The following FBN3 variants were observed in gnomAD, a reference collection of about 807,000 sequenced individuals.
The protein encoded by FBN3 is fibrillin 3.
A neutral mutation model predicts 330.1 loss-of-function variants in FBN3; 234 were observed. The observed-to-expected ratio is 0.71, with a 90% confidence interval of 0.64 to 0.79. The LOEUF (loss-of-function observed/expected upper bound fraction) is 0.79, where lower values mean the gene tolerates loss of function less well. Ranked by LOEUF, FBN3 falls within the 30% of genes least tolerant of loss-of-function variation. The pLI is 0.00. For missense variants in FBN3, 3,606 were observed against 3,886.9 expected, an observed-to-expected ratio of 0.93 and a Z score of 1.92; for synonymous variants, 1,458 against 1,517.3, an observed-to-expected ratio of 0.96 and a Z score of 0.91.
intron 32 of FBN3, among the ~76,000 whole-genome samples, chr19:8,111,389 T>G (rs78219220): frequency 0.019 from 2,934 of 152,004 alleles, 103 homozygotes; most frequent in African/African-American, 0.066. Flanking sequence ...ACTCTTGGAC[T>G]CCAGAGAGGG....
At position 8,117,713 on chromosome 19, in the gene FBN3, C is replaced by T. The variant is rs925882202; in HGVS notation, c.3338-124G>A. ...CACTGCCAGCATTGGCACAGCCCCG[C>T]ATGTGCCTATCCGTACACTTGCATT... On this transcript the variant is annotated intron_variant, in intron 26 of 63. Coordinates refer to ENST00000600128, the MANE Select transcript of FBN3 (RefSeq NM_032447.5). The T allele has an allele frequency of 2.7e-6, 3 of 1,114,710 alleles. No homozygotes were observed. In the South Asian group the frequency reaches 4.9e-5, roughly 18 times the overall value. The allele number at this position is 1,114,710 out of a possible 1,614,324, so 69.1% of individuals were successfully genotyped here. A position where few individuals can be genotyped will look rare whatever the true frequency, so the allele number is the denominator to read the frequency against.
Position 8,075,338 on chromosome 19 carries a change from G to A in FBN3, c.7527C>T (p.Phe2509=), listed in dbSNP as rs757122800. ...HGHCHNTPGS[F]RCECHQGFTL... ...TGAAGCCTTGGTGGCATTCACAGCG[G>A]AAGCTGCCCGGGGTGTTGTGGCAGT... The change falls in exon 60 of 64, where the codon TTC becomes TTT. Residue 2509 remains phenylalanine (F), a synonymous_variant. Coordinates refer to ENST00000600128, the MANE Select transcript of FBN3 (RefSeq NM_032447.5). 2 of 1,614,234 alleles carry A rather than the reference G, an allele frequency of 1.2e-6. No individual in the cohort carries two copies. Among genetic ancestry groups the A allele is most frequent in the Non-Finnish European group, 1.7e-6 (2 of 1,180,042 alleles).
At chr19:8,093,788 AAACAAAAC>A (rs1197958472) in intron 47 of FBN3, among the ~76,000 whole-genome samples, 4 of 125,866 alleles carry the variant, frequency 3.2e-5, no homozygotes, top group Admixed American at 2.7e-4. Context: ...CAAACAAACA[AAACAAAAC>A]AACAACAAAA....
Position 8,071,961 on chromosome 19 carries a change from G to A in FBN3, c.8088+87C>T, listed in dbSNP as rs986596102. The A allele has an allele frequency of 9.6e-6, 13 of 1,350,948 alleles. No homozygotes were observed. The African/African-American group carries it at 1.6e-4, about 17-fold the overall frequency. The allele number at this position is 1,350,948 out of a possible 1,614,324, so 83.7% of individuals were successfully genotyped here. ...GAGCCTGGTGCTCCTTCTTGGGGGG[G>A]CTGACATGACTAAGTCGGGTCCACA... On this transcript the variant is annotated intron_variant, in intron 63 of 63. Coordinates refer to ENST00000600128, the MANE Select transcript of FBN3 (RefSeq NM_032447.5).
chr19:8,126,273 A>G, intron 21 of FBN3, 24 bp downstream of exon 21: 1 of 1,581,104 alleles, frequency 6.3e-7, no homozygotes, highest in South Asian at 1.2e-5. Flanking sequence ...GTAGGGGGTG[A>G]GCTGGACACG....
In FBN3 at chr19:8,131,857, G is replaced by T; in HGVS notation, c.1715-28C>A. ...GCAGAAGCAGTGGCGGCACGGGGATGGGTTCCAGCGTGCTCCCTTCCTCTC... is the reference window on the plus strand; with the variant it reads ...GCAGAAGCAGTGGCGGCACGGGGATTGGTTCCAGCGTGCTCCCTTCCTCTC... On this transcript the variant is annotated intron_variant, in intron 14 of 63. Transcript: ENST00000600128. This position sits in a 1 kb window ranked among gnomAD's most constrained non-coding sequence, Gnocchi z 4.5. 1 of 1,539,440 alleles carries T rather than the reference G, an allele frequency of 6.5e-7. No individual in the cohort carries two copies. The highest frequency in any genetic ancestry group is 2.3e-5 in the East Asian group (1 of 43,318).
Position 8,126,774 on chromosome 19 carries a change from G to T in FBN3, c.2355C>A (p.Gly785=). Residue 785 remains glycine (G), a synonymous_variant, in exon 19 of 64, where the codon GGC becomes GGA. Transcript: ENST00000600128. The part of the protein sequence containing the change: ...CVSGVCRNLA[G]SYTCKCGPGS... ...CAGGGCCACATTTGCAGGTGTAGGA[G>T]CCGGCCAGGTTCCGACAGACGCCAC... 6.3e-7 allele frequency: 1 copy of T among 1,594,858 alleles called. No individual in the cohort carries two copies.
At chr19:8,123,426 G>GGATCA (rs774578049) in intron 24 of FBN3, 38 bp downstream of exon 24, 1 of 1,600,886 alleles carries the variant, frequency 6.2e-7, no homozygotes, top group East Asian at 2.3e-5. Context: ...TCCCTGCCAA[G>GGATCA]GATCACGCTC....
In FBN3 at chr19:8,142,440, C is replaced by T. The variant is rs139599041; in HGVS notation, c.542-303G>A. Among the ~76,000 whole-genome samples, 596 of 152,226 alleles carry T rather than the reference C, an allele frequency of 3.9e-3. 5 individuals carry two copies. Among genetic ancestry groups the T allele is most frequent in the African/African-American group, 0.014 (575 of 41,522 alleles). ...GAACTGATGGGACTCCTTCCCCAGG[C>T]CTATCCTCCCTTCAGGCCTGGGCAG... On this transcript the variant is annotated intron_variant, in intron 6 of 63. Transcript: ENST00000600128.
chr19:8,127,062 T>TGTC (rs1346036622), intron 18 of FBN3, among the ~76,000 whole-genome samples: 3 of 145,334 alleles, frequency 2.1e-5, no homozygotes, highest in Non-Finnish European at 4.5e-5. Flanking sequence ...TTTTTTTGTT[T>TGTC]TTTTTTTTTT....
chr19:8,096,593 T>A lies in FBN3; in HGVS notation c.5414-24A>T, dbSNP rs1490379412. 6.3e-7 allele frequency: 1 copy of A among 1,591,634 alleles called. No individual in the cohort carries two copies. The highest frequency in any genetic ancestry group is 1.7e-5 in the Admixed American group (1 of 58,930). On this transcript the variant is annotated intron_variant, in intron 43 of 63. Coordinates refer to ENST00000600128, the MANE Select transcript of FBN3 (RefSeq NM_032447.5). This position sits in a 1 kb window ranked among gnomAD's most constrained non-coding sequence, Gnocchi z 4.6. ...TCCTGGGGGTGCAGAGAGCATGGTG[T>A]TCCCAGGGCTCCTACCACAGTGTTT...
chr19:8,084,492 C>T (rs1475389369), intron 56 of FBN3, among the ~76,000 whole-genome samples: 2 of 151,968 alleles, frequency 1.3e-5, no homozygotes, highest in Non-Finnish European at 2.9e-5. Flanking sequence ...GCCAGCATGG[C>T]AAAACCTCAT....
At chr19:8,117,327 G>T (rs1415968125) in intron 27 of FBN3, 36 bp from the exon 28 acceptor site, 1 of 1,561,674 alleles carries the variant, frequency 6.4e-7, no homozygotes, top group African/African-American at 1.4e-5. Flanking sequence ...CTGGGGCTGG[G>T]GGGAGGGGTC....
chr19:8,080,296 G>A (rs2081746653), intron 59 of FBN3, among the ~76,000 whole-genome samples: 1 of 152,248 alleles, frequency 6.6e-6, no homozygotes, highest in East Asian at 1.9e-4. Context: ...CTTTGGGGAA[G>A]ATTGTGTTCC....
chr19:8,088,970 A>G (rs2082030213), intron 51 of FBN3, among the ~76,000 whole-genome samples: 2 of 152,170 alleles, frequency 1.3e-5, no homozygotes, highest in Non-Finnish European at 1.5e-5. Context: ...GAACAAGCGA[A>G]GGAATGAGTG....
At chr19:8,135,936 G>GGGCACCCCCCC in intron 13 of FBN3, 25 bp downstream of exon 13, 2 of 668,778 alleles carry the variant, frequency 3.0e-6, no homozygotes, top group South Asian at 1.6e-5. Flanking sequence ...GGAAGCCCCT[G>GGGCACCCCCCC]CCCACCCGCC....
At position 8,109,841 on chromosome 19, in the gene FBN3, G is replaced by A. The variant is rs915025477; in HGVS notation, c.4334-88C>T. The stretch of plus-strand genomic sequence containing the variant: ...TTCATCCTGGGAAGCTACAGCCCTC[G>A]CTCAAGGTCAACTCCTGGGCACCAG... On this transcript the variant is annotated intron_variant, in intron 34 of 63. Transcript: ENST00000600128. The surrounding 1 kb of genome is among the most constrained non-coding windows in gnomAD (Gnocchi z 5.2). 5 of 1,373,118 alleles carry A rather than the reference G, an allele frequency of 3.6e-6. No homozygotes were observed. Among genetic ancestry groups the A allele is most frequent in the East Asian group, 2.6e-5 (1 of 38,792 alleles). The allele number at this position is 1,373,118 out of a possible 1,614,324, so 85.1% of individuals were successfully genotyped here. A position where few individuals can be genotyped will look rare whatever the true frequency, so the allele number is the denominator to read the frequency against.
intron 25 of FBN3, 33 bp from the exon 26 acceptor site, chr19:8,119,055 T>C: frequency 6.3e-7 from 1 of 1,575,162 alleles, no homozygotes; most frequent in South Asian, 1.1e-5. Context: ...AGAGCAGGCA[T>C]GAAGGTGCTG....
rs762949966 is a variant in FBN3, at chr19:8,126,313, C to T, written c.2589G>A (p.Thr863=). 58 of 1,589,050 alleles carry T rather than the reference C, an allele frequency of 3.6e-5. No homozygotes were observed. Among genetic ancestry groups the T allele is most frequent in the African/African-American group, 2.4e-4 (18 of 74,828 alleles). The part of the protein sequence containing the change: ...PACARGFARM[T]GVTCDDVNEC... ...GGCAGTTACCATCGCAGGTGACACC[C>T]GTCATCCGGGCAAAGCCCCGGGCAC... The change falls in exon 21 of 64, where the codon ACG becomes ACA. Residue 863 remains threonine (T), a synonymous_variant. Transcript: ENST00000600128.
Sources: allele counts gnomAD v4.1 joint callset (sites outside exome capture counted in the v4.1 genomes callset), GRCh38; gene constraint gnomAD v4.1.1; non-coding constraint Gnocchi (gnomAD v3.1); transcripts MANE v1.5; gene names NCBI Gene and HGNC (gene_info 2026-07-23, HGNC 2026-07-21).